FCRL3: variants seen among roughly 807,000 people sequenced by gnomAD.
The protein encoded by FCRL3 is Fc receptor-like protein 3.
Under a neutral mutation model 75.0 loss-of-function variants are expected in FCRL3, and 89 were observed. The ratio of observed to expected loss-of-function variants is 1.19; its 90% CI spans 1.00 to 1.42. FCRL3 has a LOEUF of 1.42. Ranked by LOEUF, FCRL3 falls within the 40% of genes most tolerant of loss-of-function variation. The probability of loss-of-function intolerance (pLI) is 0.00; values close to 1 mark genes in which losing one functional copy is unlikely to be tolerated. For synonymous variants in FCRL3, 376 were observed against 348.5 expected, an observed-to-expected ratio of 1.08 and a Z score of -0.88; for missense variants, 946 against 880.0, an observed-to-expected ratio of 1.07 and a Z score of -0.95.
intron 13 of FCRL3, among the ~76,000 whole-genome samples, chr1:157,679,755 G>A (rs964980873): frequency 2.1e-5 from 3 of 142,404 alleles, no homozygotes; most frequent in African/African-American, 5.2e-5. Context: ...CTTGAACCCA[G>A]GAGGCAGAAG....
chr1:157,678,993 A>G lies in FCRL3; in HGVS notation c.2027-20T>C. The G allele has an allele frequency of 1.2e-6, 2 of 1,614,000 alleles. No homozygotes were observed. The highest frequency in any genetic ancestry group is 1.7e-6 in the Non-Finnish European group (2 of 1,179,886). ...AATTAGCTGTTGGGTAGGAGTAGCA[A>G]AGAAAAGTATTAAACTGTGGGCAAT... On this transcript the variant is annotated intron_variant, in intron 13 of 14. Coordinates refer to ENST00000368184, the MANE Select transcript of FCRL3 (RefSeq NM_052939.4).
At chr1:157,682,879 G>A (rs986839937) in intron 11 of FCRL3, among the ~76,000 whole-genome samples, 40 of 152,274 alleles carry the variant, frequency 2.6e-4, no homozygotes, top group African/African-American at 9.2e-4. Flanking sequence ...TTTCCCAAAT[G>A]AGTGGAAGAA....
At position 157,678,525 on chromosome 1, in the gene FCRL3, C is replaced by G. The variant is rs992048800; in HGVS notation, c.*185G>C. 6.9e-7 allele frequency: 1 copy of G among 1,440,204 alleles called. No homozygotes were observed. The highest frequency in any genetic ancestry group is 1.4e-5 in the African/African-American group (1 of 69,976). The allele number at this position is 1,440,204 out of a possible 1,614,324, so 89.2% of individuals were successfully genotyped here. The stretch of plus-strand genomic sequence containing the variant: ...ACAGTGCTTGCTCAGAGGCTGCCTG[C>G]TCTCTTCCTGGGGAACACACAGATC... On this transcript the variant is annotated 3_prime_UTR_variant, in exon 15 of 15. Transcript: ENST00000368184.
In FCRL3 at chr1:157,700,557, A is replaced by T; in HGVS notation, c.-68T>A. The stretch of plus-strand genomic sequence containing the variant: ...AAAGCCCGACTTATCTCCAAGAAGG[A>T]GGGCAGGAAGCTGCTACTCAGATGA... On this transcript the variant is annotated 5_prime_UTR_variant, in exon 2 of 15. Transcript: ENST00000368184. 6.2e-7 allele frequency: 1 copy of T among 1,612,526 alleles called. No individual in the cohort carries two copies. Among genetic ancestry groups the T allele is most frequent in the African/African-American group, 1.3e-5 (1 of 74,948 alleles).
At position 157,677,752 on chromosome 1, in the gene FCRL3, T is replaced by C. The variant is rs796455423; in HGVS notation, c.*958A>G. 81 of 523,496 alleles carry C rather than the reference T, an allele frequency of 1.5e-4. 1 individual carries two copies. In the African/African-American group the frequency reaches 1.6e-3, roughly 11 times the overall value. 32.4% of individuals were successfully genotyped at this position (523,496 alleles called of 1,614,324 possible). A position where few individuals can be genotyped will look rare whatever the true frequency, so the allele number is the denominator to read the frequency against. On this transcript the variant is annotated 3_prime_UTR_variant, in exon 15 of 15. Coordinates refer to ENST00000368184, the MANE Select transcript of FCRL3 (RefSeq NM_052939.4). ...CTAAAAAAAATTATCTACAACAATA[T>C]GGTCTTTAACTTATAGTTAAAACTA...
chr1:157,680,791 G>T, intron 12 of FCRL3, 21 bp from the exon 13 acceptor site: 2 of 1,610,738 alleles, frequency 1.2e-6, no homozygotes, highest in Non-Finnish European at 1.7e-6. Context: ...AGATATCATA[G>T]TTGGTTGCAG....
rs375088342 is a variant in FCRL3 at position 157,690,493 on chromosome 1, C to A, written c.1452G>T (p.Gly484=). ...GCAGGTCCCCCACCACAGCCTGGGC[C>A]CCGGGAGCCCTGAGGGTGAGGACGG... ...SRPVLTLRAP[G]AQAVVGDLLE... The change falls in exon 9 of 15, where the codon GGG becomes GGT. Residue 484 remains glycine (G), a synonymous_variant. Coordinates refer to ENST00000368184, the MANE Select transcript of FCRL3 (RefSeq NM_052939.4). 1.2e-6 allele frequency: 2 copies of A among 1,614,236 alleles called. No homozygotes were observed. Among genetic ancestry groups the A allele is most frequent in the East Asian group, 4.5e-5 (2 of 44,884 alleles).
intron 13 of FCRL3, among the ~76,000 whole-genome samples, chr1:157,679,422 G>C (rs1211686742): frequency 6.6e-6 from 1 of 152,172 alleles, no homozygotes; most frequent in Non-Finnish European, 1.5e-5. Context: ...AATTGGAAGA[G>C]ACCAGAGAGG....
In FCRL3 at chr1:157,678,173, G is replaced by A. The variant is rs1372737923; in HGVS notation, c.*537C>T. ...TTTGGTTGGGAATGTCACCCTGTAA[G>A]TACAAAAATACACTTCAGATAGAGT... On this transcript the variant is annotated 3_prime_UTR_variant, in exon 15 of 15. Transcript: ENST00000368184. 1.0e-6 allele frequency: 1 copy of A among 986,232 alleles called. No homozygotes were observed. Among genetic ancestry groups the A allele is most frequent in the East Asian group, 1.1e-4 (1 of 8,832 alleles). 61.1% of individuals were successfully genotyped at this position (986,232 alleles called of 1,614,324 possible).
At chr1:157,683,475 A>T (rs1262610900) in intron 10 of FCRL3, among the ~76,000 whole-genome samples, 1 of 152,190 alleles carries the variant, frequency 6.6e-6, no homozygotes, top group African/African-American at 2.4e-5. Context: ...ATCATTTTTC[A>T]ATCAGTAATA....
At position 157,696,331 on chromosome 1, in the gene FCRL3, G is replaced by A. The variant is rs371651307; in HGVS notation, c.845-4C>T. The A allele has an allele frequency of 2.5e-6, 4 of 1,613,398 alleles. No individual in the cohort carries two copies. Among genetic ancestry groups the A allele is most frequent in the African/African-American group, 2.7e-5 (2 of 74,906 alleles). On this transcript the variant is annotated splice_region_variant and splice_polypyrimidine_tract_variant and intron_variant, in intron 6 of 14. Transcript: ENST00000368184. The stretch of plus-strand genomic sequence containing the variant: ...TTCACATTAGACACAGGGACTCCTG[G>A]GGGAACACAAGATGGCATGTGAAGG...
intron 2 of FCRL3, among the ~76,000 whole-genome samples, chr1:157,700,039 C>A (rs971403790): frequency 6.6e-6 from 1 of 152,178 alleles, no homozygotes; most frequent in African/African-American, 2.4e-5. Flanking sequence ...GTTCCCCTCA[C>A]TTTTTCAATC....
intron 11 of FCRL3, 88 bp downstream of exon 11, chr1:157,683,129 C>A: frequency 1.4e-6 from 2 of 1,416,646 alleles, no homozygotes; most frequent in African/African-American, 1.5e-5. Context: ...CTAGGAAATC[C>A]ATTGAAATTT....
Position 157,678,579 on chromosome 1 carries a change from G to T in FCRL3, c.*131C>A. The T allele has an allele frequency of 2.6e-6, 4 of 1,513,712 alleles. No homozygotes were observed. The highest frequency in any genetic ancestry group is 2.6e-6 in the Non-Finnish European group (3 of 1,141,392). 93.8% of individuals were successfully genotyped at this position (1,513,712 alleles called of 1,614,324 possible). On this transcript the variant is annotated 3_prime_UTR_variant, in exon 15 of 15. Transcript: ENST00000368184. Reference sequence around the variant, plus strand: ...CACAGGGGAGATTTGCAGACCTTTTGCTCAGCCTCACATACCCTGCAGCCC... The same window carrying T: ...CACAGGGGAGATTTGCAGACCTTTTTCTCAGCCTCACATACCCTGCAGCCC...
chr1:157,691,036 T>TATG (rs1368676492), intron 8 of FCRL3, among the ~76,000 whole-genome samples: 1 of 130,660 alleles, frequency 7.7e-6, no homozygotes, highest in Non-Finnish European at 1.6e-5. Flanking sequence ...TGTATGTATG[T>TATG]ATCTATCTAT....
chr1:157,697,456 T>C, intron 5 of FCRL3, 32 bp from the exon 6 acceptor site: 1 of 1,524,928 alleles, frequency 6.6e-7, no homozygotes. Flanking sequence ...GTCTCCAGGG[T>C]GGTGAGGCTC....
chr1:157,679,683 G>A (rs192151200), intron 13 of FCRL3, among the ~76,000 whole-genome samples: 222 of 151,768 alleles, frequency 1.5e-3, no homozygotes, highest in African/African-American at 4.7e-3. Context: ...ACAAAATTTA[G>A]CTGGGCATGG....
In FCRL3 at chr1:157,698,093, A is replaced by G. The variant is rs930590531; in HGVS notation, c.299-174T>C. On this transcript the variant is annotated intron_variant, in intron 4 of 14. Coordinates refer to ENST00000368184, the MANE Select transcript of FCRL3 (RefSeq NM_052939.4). ...TTCCTTGCCCTACAAGGGTGAACCA[A>G]TTCCCAGAAAATGTTCTTGAGAAAT... 23 of 771,830 alleles carry G rather than the reference A, an allele frequency of 3.0e-5. 1 individual carries two copies. Among genetic ancestry groups the G allele is most frequent in the Non-Finnish European group, 4.0e-6 (2 of 494,286 alleles). The allele number at this position is 771,830 out of a possible 1,614,324, so 47.8% of individuals were successfully genotyped here.
Position 157,697,299 on chromosome 1 carries a change from A to C in FCRL3, c.685T>G (p.Phe229Val), listed in dbSNP as rs1170405687. ...RPDVQLQFSL[F>V]RDSQTLGLGW... ...AATCCGAGGGTCTGGCTATCTCTGA[A>C]GAGGGAGAATTGCAGCTGGACATCT... Residue 229 changes from phenylalanine (F) to valine (V), a missense_variant, in exon 6 of 15, where the codon TTC (phenylalanine) becomes GTC (valine). By Grantham distance (50) the Phe-to-Val change is conservative. Transcript: ENST00000368184. The C allele has an allele frequency of 1.9e-6, 3 of 1,612,508 alleles. No individual in the cohort carries two copies. The highest frequency in any genetic ancestry group is 2.7e-5 in the African/African-American group (2 of 74,872).
Sources: allele counts gnomAD v4.1 joint callset (sites outside exome capture counted in the v4.1 genomes callset), GRCh38; gene constraint gnomAD v4.1.1; transcripts MANE v1.5; gene names NCBI Gene and HGNC (gene_info 2026-07-23, HGNC 2026-07-21).